The following CMYA5 variants were observed in gnomAD, a reference collection of about 807,000 sequenced individuals.
CMYA5 encodes the protein cardiomyopathy associated 5.
Under a neutral mutation model 318.9 loss-of-function variants are expected in CMYA5, and 246 were observed. The observed-to-expected ratio is 0.77, with a 90% CI of 0.70 to 0.86. CMYA5 has a LOEUF of 0.86. Ranked by LOEUF, CMYA5 falls within the 40% of genes least tolerant of loss-of-function variation. The pLI is 0.00. For missense variants in CMYA5, 4,589 were observed against 4,678.2 expected (o/e 0.98, Z 0.56); for synonymous variants, 1,641 against 1,729.5 (o/e 0.95, Z 1.27).
chr5:79,758,837 A>T lies in CMYA5; in HGVS notation c.11195A>T (p.Glu3732Val). The change falls in exon 7 of 13, where the codon GAA becomes GTA. Residue 3732 changes from glutamate to valine, a missense_variant. This residue lies in a region of CMYA5 where 2,431 missense variants were observed against 2,495.1 expected (regional missense o/e 0.97). Coordinates refer to ENST00000446378, the MANE Select transcript of CMYA5 (RefSeq NM_153610.5). The stretch of plus-strand genomic sequence containing the variant: ...GCAGTTTACTGGAGCATGAACAAGG[A>T]AGATGTCATTGATTCATTTCAGGTT... ...TIAVYWSMNK[E>V]DVIDSFQVYC... 6.2e-7 allele frequency: 1 copy of T among 1,606,924 alleles called. No individual in the cohort carries two copies. Among genetic ancestry groups the T allele is most frequent in the Non-Finnish European group, 8.5e-7 (1 of 1,176,780 alleles).
chr5:79,778,811 C>CTGTGTGTGTGTG (rs35461782), intron 9 of CMYA5, among the ~76,000 whole-genome samples: 4 of 85,018 alleles, frequency 4.7e-5, no homozygotes, highest in African/African-American at 2.5e-4. Flanking sequence ...CTCTCTCTTT[C>CTGTGTGTGTGTG]TGTGTGTGTG....
intron 1 of CMYA5, among the ~76,000 whole-genome samples, chr5:79,697,491 G>A (rs1018024397): frequency 2.0e-5 from 3 of 152,216 alleles, no homozygotes; most frequent in African/African-American, 7.2e-5. Flanking sequence ...CAGATAAGAG[G>A]AGGGAAACCG....
Position 79,689,867 on chromosome 5 carries a change from G to GCGGCTCCGGCTCCGGCCCCGGC in CMYA5, c.-39_-18dup. 1 of 661,680 alleles carries GCGGCTCCGGCTCCGGCCCCGGC rather than the reference G, an allele frequency of 1.5e-6. No homozygotes were observed. Among genetic ancestry groups the GCGGCTCCGGCTCCGGCCCCGGC allele is most frequent in the South Asian group, 1.6e-5 (1 of 61,454 alleles). 41.0% of individuals were successfully genotyped at this position (661,680 alleles called of 1,614,324 possible). A position where few individuals can be genotyped will look rare whatever the true frequency, so the allele number is the denominator to read the frequency against. Reference sequence around the variant, plus strand: ...AGGGAGAACACCAGGCGCGGCGCGGGCGGCTCCGGCTCCGGCCCCGGCCCA... The same window carrying GCGGCTCCGGCTCCGGCCCCGGC: ...AGGGAGAACACCAGGCGCGGCGCGGGCGGCTCCGGCTCCGGCCCCGGCCGGCTCCGGCTCCGGCCCCGGCCCA... On this transcript the variant is annotated 5_prime_UTR_variant, in exon 1 of 13. Transcript: ENST00000446378.
At chr5:79,745,839 C>G (rs1241916125) in intron 4 of CMYA5, among the ~76,000 whole-genome samples, 1 of 152,236 alleles carries the variant, frequency 6.6e-6, no homozygotes, top group Non-Finnish European at 1.5e-5. Context: ...ACTCTCTAAG[C>G]TGAAGTGACC....
Position 79,737,281 on chromosome 5 carries a change from C to T in CMYA5, c.8516C>T (p.Ser2839Leu), listed in dbSNP as rs1363509013. ...GTGAAGAAAAAAGAAATGCCACGAT[C>T]AGAATTGACTCCAGAAAGGCATACA... ...NAVKKKEMPRSELTPERHTVH... is the reference protein window; with the variant it reads ...NAVKKKEMPRLELTPERHTVH... The change falls in exon 2 of 13, where the codon TCA becomes TTA. Residue 2839 changes from serine to leucine, a missense_variant. Around this residue, in one of 3 missense-constraint regions of CMYA5, gnomAD observed 2,431 missense variants for 2,495.1 expected, o/e 0.97. Coordinates refer to ENST00000446378, the MANE Select transcript of CMYA5 (RefSeq NM_153610.5). 3.7e-6 allele frequency: 6 copies of T among 1,613,800 alleles called. No homozygotes were observed. The highest frequency in any genetic ancestry group is 1.7e-5 in the Admixed American group (1 of 59,986).
intron 9 of CMYA5, among the ~76,000 whole-genome samples, chr5:79,764,321 G>T (rs766029385): frequency 6.6e-6 from 1 of 152,132 alleles, no homozygotes; most frequent in Non-Finnish European, 1.5e-5. Flanking sequence ...TCCCTGCAAA[G>T]GACATGAACT....
In CMYA5 at chr5:79,711,418, A is replaced by T. The variant is rs576490833; in HGVS notation, c.150-17497A>T. Among the ~76,000 whole-genome samples, 5 of 152,384 alleles carry T rather than the reference A, an allele frequency of 3.3e-5. No individual in the cohort carries two copies. In the East Asian group the frequency reaches 9.6e-4, roughly 29 times the overall value. On this transcript the variant is annotated intron_variant, in intron 1 of 12. Transcript: ENST00000446378. ...TAAAGGTGGTACAGAGAGAAAAAGA[A>T]TGTAAACTACGTAGACAATTGCTTG...
intron 1 of CMYA5, among the ~76,000 whole-genome samples, chr5:79,724,666 A>G (rs138483713): frequency 2.2e-3 from 340 of 152,334 alleles, no homozygotes; most frequent in African/African-American, 7.8e-3. Flanking sequence ...TTCATAGCCA[A>G]TATCTTTTAA....
At chr5:79,763,535 A>C in intron 9 of CMYA5, 1 of 266,168 alleles carries the variant, frequency 3.8e-6, no homozygotes, top group Non-Finnish European at 7.3e-6. Context: ...TACTAGCTAT[A>C]TCAGAATCCG....
Position 79,732,965 on chromosome 5 carries a change from G to A in CMYA5, c.4200G>A (p.Leu1400=). The part of the protein sequence containing the change: ...KVGKGELGSG[L]PPLVTSADEH... ...GAAAGGGTGAATTAGGAAGTGGTTT[G>A]CCACCACTGGTAACATCTGCAGATG... is the stretch of plus-strand genomic sequence containing the variant. Residue 1400 remains leucine (L), a synonymous_variant, in exon 2 of 13, where the codon TTG becomes TTA. Coordinates refer to ENST00000446378, the MANE Select transcript of CMYA5 (RefSeq NM_153610.5). 6.2e-7 allele frequency: 1 copy of A among 1,613,276 alleles called. No individual in the cohort carries two copies. Among genetic ancestry groups the A allele is most frequent in the South Asian group, 1.1e-5 (1 of 90,988 alleles).
At chr5:79,761,067 A>G (rs935177030) in intron 7 of CMYA5, among the ~76,000 whole-genome samples, 2 of 152,236 alleles carry the variant, frequency 1.3e-5, no homozygotes, top group African/African-American at 2.4e-5. Flanking sequence ...AAAGAAAATC[A>G]TATGTTTTAA....
Position 79,730,977 on chromosome 5 carries a change from G to C in CMYA5, c.2212G>C (p.Asp738His). 1 of 1,613,960 alleles carries C rather than the reference G, an allele frequency of 6.2e-7. No individual in the cohort carries two copies. Among genetic ancestry groups the C allele is most frequent in the East Asian group, 2.2e-5 (1 of 44,884 alleles). The change falls in exon 2 of 13, where the codon GAC becomes CAC. Residue 738 changes from aspartate to histidine, a missense_variant. Physicochemically the swap from Asp to His is moderately conservative, Grantham distance 81 (BLOSUM62 -1). This residue lies in a region of CMYA5 where 2,132 missense variants were observed against 2,131.3 expected (regional missense o/e 1.00). Coordinates refer to ENST00000446378, the MANE Select transcript of CMYA5 (RefSeq NM_153610.5). Reference protein sequence around the residue: ...EYMIPSEEKEDTGSFTPAVAP... With the variant: ...EYMIPSEEKEHTGSFTPAVAP... Reference sequence around the variant, plus strand: ...CATGATTCCATCAGAAGAGAAGGAAGACACTGGATCGTTTACTCCAGCTGT... The same window carrying C: ...CATGATTCCATCAGAAGAGAAGGAACACACTGGATCGTTTACTCCAGCTGT...
In CMYA5 at chr5:79,800,159, A is replaced by G. The variant is rs1174791390; in HGVS notation, c.*543A>G. On this transcript the variant is annotated 3_prime_UTR_variant, in exon 13 of 13. Coordinates refer to ENST00000446378, the MANE Select transcript of CMYA5 (RefSeq NM_153610.5). The stretch of plus-strand genomic sequence containing the variant: ...GAGTCTCTCCTCCCTAAAATTTTAA[A>G]TGTAGAAAAGTGCTATATATTAGAA... The G allele has an allele frequency of 6.5e-6, 1 of 152,820 alleles. No individual in the cohort carries two copies. Among genetic ancestry groups the G allele is most frequent in the East Asian group, 1.9e-4 (1 of 5,208 alleles). The allele number at this position is 152,820 out of a possible 1,614,324, so 9.5% of individuals were successfully genotyped here.
Position 79,690,064 on chromosome 5 carries a change from G to A in CMYA5, c.149+8G>A, listed in dbSNP as rs1225421472. ...GGAGGAGCCGGACTCCAGGTAGCGC[G>A]AGCCTCTCTCCTCGGCCCAGGGCCT... is the stretch of plus-strand genomic sequence containing the variant. On this transcript the variant is annotated splice_region_variant and intron_variant, in intron 1 of 12. Transcript: ENST00000446378. 2 of 1,433,636 alleles carry A rather than the reference G, an allele frequency of 1.4e-6. No homozygotes were observed. Among genetic ancestry groups the A allele is most frequent in the South Asian group, 1.5e-5 (1 of 68,756 alleles). 88.8% of individuals were successfully genotyped at this position (1,433,636 alleles called of 1,614,324 possible).
chr5:79,797,803 A>G (rs554811604), intron 12 of CMYA5, among the ~76,000 whole-genome samples: 5 of 152,318 alleles, frequency 3.3e-5, no homozygotes, highest in African/African-American at 4.8e-5. Flanking sequence ...CAAGAGGCCA[A>G]TGGTGATGTT....
intron 9 of CMYA5, among the ~76,000 whole-genome samples, chr5:79,766,167 C>T (rs947130528): frequency 2.6e-5 from 4 of 151,490 alleles, no homozygotes; most frequent in South Asian, 2.1e-4. Flanking sequence ...GGTGTGATCT[C>T]GGCTCTCTGC....
rs1827996337 is a variant in CMYA5, at chr5:79,734,256, G to C, written c.5491G>C (p.Asp1831His). 2 of 1,613,602 alleles carry C rather than the reference G, an allele frequency of 1.2e-6. No homozygotes were observed. Among genetic ancestry groups the C allele is most frequent in the South Asian group, 1.1e-5 (1 of 90,980 alleles). The change falls in exon 2 of 13, where the codon GAT becomes CAT. Residue 1831 changes from aspartate to histidine, a missense_variant. Physicochemically the swap from Asp to His is moderately conservative, Grantham distance 81. Around this residue, in one of 3 missense-constraint regions of CMYA5, gnomAD observed 2,132 missense variants for 2,131.3 expected, o/e 1.00. Coordinates refer to ENST00000446378, the MANE Select transcript of CMYA5 (RefSeq NM_153610.5). ...AAAGACAGAAAAAGCACTTCATTCA[G>C]ATCAAACTGTTAAATTACCTGATGT... The part of the protein sequence containing the change: ...QKKTEKALHS[D>H]QTVKLPDVST...
chr5:79,786,617 A>C (rs1201201860), intron 9 of CMYA5, among the ~76,000 whole-genome samples: 4 of 152,222 alleles, frequency 2.6e-5, no homozygotes, highest in Non-Finnish European at 2.9e-5. Flanking sequence ...TTTTGTTTCT[A>C]AAATTAAAAA....
At chr5:79,744,341 G>C (rs1318331298) in intron 3 of CMYA5, among the ~76,000 whole-genome samples, 4 of 152,196 alleles carry the variant, frequency 2.6e-5, no homozygotes, top group Admixed American at 1.3e-4. Flanking sequence ...TCACTGCCCA[G>C]TGTCCCATGC....
Sources: allele counts gnomAD v4.1 joint callset (sites outside exome capture counted in the v4.1 genomes callset), GRCh38; gene constraint gnomAD v4.1.1; regional missense constraint gnomAD v4.1.1; transcripts MANE v1.5; gene names NCBI Gene and HGNC (gene_info 2026-07-23, HGNC 2026-07-21).